NXPE2: variants seen among roughly 807,000 people sequenced by gnomAD.
The protein encoded by NXPE2 is NXPE family member 2.
Under a neutral mutation model 34.4 loss-of-function variants are expected in NXPE2, and 34 were observed. The ratio of observed to expected loss-of-function variants is 0.99; its 90% CI spans 0.75 to 1.31. NXPE2 has a LOEUF of 1.31. Among genes scored for constraint, NXPE2 ranks in the 40% most tolerant of loss-of-function variants. The pLI is 0.00. For synonymous variants in NXPE2, 235 were observed against 231.3 expected, an observed-to-expected ratio of 1.02 and a Z score of -0.15; for missense variants, 649 against 672.5, an observed-to-expected ratio of 0.97 and a Z score of 0.39.
chr11:114,720,462 G>A, the NXPE2 span, among the ~76,000 whole-genome samples: 1 of 152,164 alleles, frequency 6.6e-6, no homozygotes, highest in East Asian at 1.9e-4. Context: ...TGTCGGGGTA[G>A]CACAGGCCAC....
intron 2 of NXPE2, among the ~76,000 whole-genome samples, chr11:114,695,437 G>C (rs1029585893): frequency 1.3e-5 from 2 of 152,098 alleles, no homozygotes; most frequent in African/African-American, 4.8e-5. Flanking sequence ...AAGAAGGCCA[G>C]ATGGAGGCTG....
At chr11:114,629,067 AT>A in the NXPE2 span, among the ~76,000 whole-genome samples, 17 of 152,212 alleles carry the variant, frequency 1.1e-4, 1 homozygote, top group South Asian at 3.5e-3. Flanking sequence ...GACCAGATGG[AT>A]TCACAGTCGA....
the NXPE2 span, among the ~76,000 whole-genome samples, chr11:114,601,798 G>GATTATATATTATAT: frequency 2.7e-4 from 15 of 56,072 alleles, no homozygotes; most frequent in African/African-American, 1.3e-3. Context: ...TGTGATATAT[G>GATTATATATTATAT]ATTATATATT....
At chr11:114,510,838 A>G in the NXPE2 span, among the ~76,000 whole-genome samples, 2 of 152,182 alleles carry the variant, frequency 1.3e-5, no homozygotes, top group Non-Finnish European at 2.9e-5. Context: ...AATAAAGACA[A>G]TTATTAATTT....
the NXPE2 span, among the ~76,000 whole-genome samples, chr11:114,645,530 T>A: frequency 6.6e-6 from 1 of 152,264 alleles, no homozygotes; most frequent in Non-Finnish European, 1.5e-5. Context: ...TGTTGATAAA[T>A]TTAACTATAT....
rs1042879040 is a variant in NXPE2 at position 114,706,881 on chromosome 11, A to T, written c.1631A>T (p.Asp544Val). 1 of 1,550,890 alleles carries T rather than the reference A, an allele frequency of 6.4e-7. No individual in the cohort carries two copies. The highest frequency in any genetic ancestry group is 1.4e-5 in the African/African-American group (1 of 73,026). The change falls in exon 6 of 6, where the codon GAT becomes GTT. Residue 544 changes from aspartate to valine, a missense_variant. Coordinates refer to ENST00000389586, the MANE Select transcript of NXPE2 (RefSeq NM_182495.6). ...AYCTNNAHPP[D>V]YVIQNQIGMF... ...TGCACCAACAATGCCCATCCACCGG[A>T]TTATGTGATTCAAAATCAGATTGGC... is the stretch of plus-strand genomic sequence containing the variant.
At chr11:114,474,615 G>A in the NXPE2 span, among the ~76,000 whole-genome samples, 1 of 152,126 alleles carries the variant, frequency 6.6e-6, no homozygotes, top group Admixed American at 6.6e-5. Context: ...TGCGGACAAA[G>A]CCTGATTGAA....
chr11:114,648,007 CG>C, the NXPE2 span, among the ~76,000 whole-genome samples: 1 of 152,034 alleles, frequency 6.6e-6, no homozygotes, highest in Non-Finnish European at 1.5e-5. Context: ...GCCGACTTAA[CG>C]TTTTTTTAAG....
the NXPE2 span, among the ~76,000 whole-genome samples, chr11:114,629,945 C>T: frequency 6.7e-6 from 1 of 149,872 alleles, no homozygotes; most frequent in East Asian, 1.9e-4. Context: ...AATAAAATAC[C>T]TAGGAATCCA....
chr11:114,470,187 T>A, the NXPE2 span, among the ~76,000 whole-genome samples: 22,588 of 152,212 alleles, frequency 0.15, 1,864 homozygotes, highest in South Asian at 0.23. Flanking sequence ...GACATATGTT[T>A]TTTTTTCTCT....
At chr11:114,743,482 T>C in the NXPE2 span, among the ~76,000 whole-genome samples, 5 of 150,792 alleles carry the variant, frequency 3.3e-5, no homozygotes, top group African/African-American at 1.2e-4. Flanking sequence ...CAGAATAGAA[T>C]AGGTTTTTAA....
chr11:114,734,189 G>C, the NXPE2 span, among the ~76,000 whole-genome samples: 1 of 151,998 alleles, frequency 6.6e-6, no homozygotes, highest in Non-Finnish European at 1.5e-5. Context: ...CCATAAATAT[G>C]GTCTTTCTAG....
At chr11:114,481,309 A>G in the NXPE2 span, among the ~76,000 whole-genome samples, 2 of 152,174 alleles carry the variant, frequency 1.3e-5, no homozygotes, top group Non-Finnish European at 2.9e-5. Flanking sequence ...ACAGGTTTCA[A>G]AGTAAGCCTA....
chr11:114,514,141 A>G, the NXPE2 span, among the ~76,000 whole-genome samples: 1 of 152,038 alleles, frequency 6.6e-6, no homozygotes, highest in African/African-American at 2.4e-5. Flanking sequence ...TTATGTAATG[A>G]TGTATTTTGA....
At chr11:114,476,061 A>C in the NXPE2 span, among the ~76,000 whole-genome samples, 2 of 152,350 alleles carry the variant, frequency 1.3e-5, no homozygotes, top group African/African-American at 4.8e-5. Context: ...TATAATTCAC[A>C]TGGTGACTGA....
At chr11:114,803,887 C>A in the NXPE2 span, among the ~76,000 whole-genome samples, 6 of 152,086 alleles carry the variant, frequency 3.9e-5, no homozygotes, top group African/African-American at 1.4e-4. Context: ...CCCCTCAGGT[C>A]TCTTGTATAA....
the NXPE2 span, among the ~76,000 whole-genome samples, chr11:114,806,385 TCAAACTACTC>T: frequency 1.3e-5 from 2 of 152,086 alleles, no homozygotes; most frequent in Admixed American, 1.3e-4. Flanking sequence ...CTTCAGATGA[TCAAACTACTC>T]CAAGCTACAG....
At chr11:114,502,018 T>C in the NXPE2 span, among the ~76,000 whole-genome samples, 1 of 152,204 alleles carries the variant, frequency 6.6e-6, no homozygotes, top group South Asian at 2.1e-4. Context: ...CATTTTGGGC[T>C]GAAAAACTCT....
At chr11:114,530,724 G>A in the NXPE2 span, 2 of 1,614,104 alleles carry the variant, frequency 1.2e-6, no homozygotes, top group East Asian at 2.2e-5. Flanking sequence ...GGCACTGGTG[G>A]TGGTGTTCAC....
Sources: gnomAD v4.1 joint callset for allele counts (sites outside exome capture counted in the v4.1 genomes callset) on GRCh38, gnomAD v4.1.1 for gene constraint, MANE v1.5 for transcripts, NCBI Gene and HGNC (gene_info 2026-07-23, HGNC 2026-07-21) for gene names.